DSCAM: variants seen among roughly 807,000 people sequenced by gnomAD.
The protein encoded by DSCAM is cell adhesion molecule DSCAM.
A neutral mutation model predicts 217.7 loss-of-function variants in DSCAM; 47 were observed. The ratio of observed to expected loss-of-function variants is 0.22; its 90% confidence interval spans 0.17 to 0.28. The LOEUF (loss-of-function observed/expected upper bound fraction) is 0.28. Among genes scored for constraint, DSCAM ranks in the 10% least tolerant of loss-of-function variants. DSCAM has a pLI of 1.00. For synonymous variants in DSCAM, 1,056 were observed against 1,015.3 expected (o/e 1.04, Z -0.76); for missense variants, 2,080 against 2,618.3 (o/e 0.79, Z 4.49).
intron 1 of DSCAM, among the ~76,000 whole-genome samples, chr21:40,735,131 C>A (rs928819772): frequency 1.3e-5 from 2 of 152,220 alleles, no homozygotes; most frequent in African/African-American, 4.8e-5. Context: ...GCATGTATCA[C>A]ACTGAGGGTA....
intron 1 of DSCAM, among the ~76,000 whole-genome samples, chr21:40,757,924 C>G (rs1043878679): frequency 6.6e-6 from 1 of 152,142 alleles, no homozygotes; most frequent in Non-Finnish European, 1.5e-5. Flanking sequence ...CACCCAGTAC[C>G]CGTGGATGTG....
chr21:40,730,652 A>G (rs1410074531), intron 1 of DSCAM, among the ~76,000 whole-genome samples: 1 of 152,132 alleles, frequency 6.6e-6, no homozygotes, highest in Non-Finnish European at 1.5e-5. Flanking sequence ...TCTCTATAAG[A>G]GGCCACCTGA....
At chr21:40,319,819 C>G (rs1489471636) in intron 8 of DSCAM, among the ~76,000 whole-genome samples, 1 of 152,090 alleles carries the variant, frequency 6.6e-6, no homozygotes, top group African/African-American at 2.4e-5. Flanking sequence ...TCAGAGTGGG[C>G]ACCAAGAGAT....
At chr21:40,545,043 T>G (rs937466079) in intron 3 of DSCAM, among the ~76,000 whole-genome samples, 5 of 152,126 alleles carry the variant, frequency 3.3e-5, no homozygotes. Context: ...GGTAGGACTT[T>G]TGAGAGGTGA....
chr21:40,521,894 T>C (rs1203867722), intron 3 of DSCAM, among the ~76,000 whole-genome samples: 1 of 152,232 alleles, frequency 6.6e-6, no homozygotes, highest in Non-Finnish European at 1.5e-5. Flanking sequence ...TCTGAGGTGA[T>C]GGATATGCTA....
chr21:40,777,087 A>G (rs1288559583), intron 1 of DSCAM, among the ~76,000 whole-genome samples: 1 of 152,184 alleles, frequency 6.6e-6, no homozygotes, highest in African/African-American at 2.4e-5. Context: ...GAGGCCAAGA[A>G]GTCTAAGATC....
intron 3 of DSCAM, among the ~76,000 whole-genome samples, chr21:40,587,398 G>A (rs1323064626): frequency 6.6e-6 from 1 of 152,108 alleles, no homozygotes; most frequent in Non-Finnish European, 1.5e-5. Context: ...ATCCATTCAT[G>A]TTGGAAAATG....
chr21:40,771,728 G>A (rs1406142515), intron 1 of DSCAM, among the ~76,000 whole-genome samples: 6 of 152,102 alleles, frequency 3.9e-5, no homozygotes, highest in Non-Finnish European at 8.8e-5. Flanking sequence ...AATTACTTTA[G>A]GTAAAACTCT....
At chr21:40,127,333 T>C (rs1268539376) in intron 19 of DSCAM, among the ~76,000 whole-genome samples, 1 of 152,146 alleles carries the variant, frequency 6.6e-6, no homozygotes, top group Non-Finnish European at 1.5e-5. Context: ...AGAGATGGCA[T>C]AGGATGGAGT....
intron 11 of DSCAM, among the ~76,000 whole-genome samples, chr21:40,238,399 C>A (rs1027958594): frequency 1.3e-5 from 2 of 152,184 alleles, no homozygotes; most frequent in African/African-American, 4.8e-5. Flanking sequence ...AATCCACAGC[C>A]AAAGGCTCTG....
At chr21:40,788,854 G>A (rs2091615298) in intron 1 of DSCAM, among the ~76,000 whole-genome samples, 1 of 152,112 alleles carries the variant, frequency 6.6e-6, no homozygotes, top group African/African-American at 2.4e-5. Flanking sequence ...CAATCACAAA[G>A]ATTAATTTAA....
At chr21:40,195,252 A>G (rs1306534766) in intron 11 of DSCAM, among the ~76,000 whole-genome samples, 1 of 152,186 alleles carries the variant, frequency 6.6e-6, no homozygotes, top group African/African-American at 2.4e-5. Flanking sequence ...TTTACTCTCA[A>G]GTCTTTTAAT....
rs574237316 is a variant in DSCAM at position 40,079,859 on chromosome 21, C to T, written c.4420+293G>A. Among the ~76,000 whole-genome samples the T allele has an allele frequency of 1.7e-3, 259 of 152,258 alleles. 1 individual carries two copies. Among genetic ancestry groups the T allele is most frequent in the African/African-American group, 6.0e-3 (251 of 41,566 alleles). Reference sequence around the variant, plus strand: ...GCCTCCAAACGGCTGAGAGGGCAAGCGCCACGCTTCATGGCTGCCCAGCCT... The same window carrying T: ...GCCTCCAAACGGCTGAGAGGGCAAGTGCCACGCTTCATGGCTGCCCAGCCT... On this transcript the variant is annotated intron_variant, in intron 25 of 32. Coordinates refer to ENST00000400454, the MANE Select transcript of DSCAM (RefSeq NM_001389.5).
At chr21:40,401,811 A>G (rs1460822572) in intron 3 of DSCAM, among the ~76,000 whole-genome samples, 1 of 150,614 alleles carries the variant, frequency 6.6e-6, no homozygotes, top group Non-Finnish European at 1.5e-5. Flanking sequence ...AAGGGGCCCC[A>G]TGTTCCCCTC....
intron 9 of DSCAM, among the ~76,000 whole-genome samples, chr21:40,306,399 T>A (rs562308627): frequency 3.3e-5 from 5 of 151,430 alleles, no homozygotes; most frequent in African/African-American, 7.3e-5. Context: ...CAGGGACAAT[T>A]GGACTTCCTC....
chr21:40,236,807 C>G (rs1178052836), intron 11 of DSCAM, among the ~76,000 whole-genome samples: 1 of 152,152 alleles, frequency 6.6e-6, no homozygotes, highest in Non-Finnish European at 1.5e-5. Context: ...ACTCAGATAA[C>G]CGAAACAAAG....
At chr21:40,545,253 T>C (rs553396229) in intron 3 of DSCAM, among the ~76,000 whole-genome samples, 1 of 152,290 alleles carries the variant, frequency 6.6e-6, no homozygotes, top group African/African-American at 2.4e-5. Context: ...GCCCCTAAAA[T>C]TGAGAAATCA....
chr21:40,113,575 G>A (rs138900072), intron 20 of DSCAM, among the ~76,000 whole-genome samples: 2,576 of 152,222 alleles, frequency 0.017, 76 homozygotes, highest in African/African-American at 0.059. Flanking sequence ...ATTCAGGCAG[G>A]AGAAGGAAAT....
chr21:40,130,418 G>A (rs2090142806), intron 19 of DSCAM, among the ~76,000 whole-genome samples: 1 of 152,152 alleles, frequency 6.6e-6, no homozygotes, highest in Admixed American at 6.5e-5. Context: ...CGTGAACTGT[G>A]AGCAGTAGTC....
Sources: allele counts gnomAD v4.1 joint callset (sites outside exome capture counted in the v4.1 genomes callset), GRCh38; gene constraint gnomAD v4.1.1; transcripts MANE v1.5; gene names NCBI Gene and HGNC (gene_info 2026-07-23, HGNC 2026-07-21).